ULK2: variants seen among roughly 807,000 people sequenced by gnomAD.
ULK2 encodes unc-51 like autophagy activating kinase 2.
In ULK2, 76 loss-of-function variants were observed where a neutral mutation model predicts 127.5. The ratio of observed to expected loss-of-function variants is 0.60; its 90% CI spans 0.50 to 0.72. The LOEUF (loss-of-function observed/expected upper bound fraction) is 0.72. Among genes scored for constraint, ULK2 ranks in the 30% least tolerant of loss-of-function variants. The pLI is 0.00. For synonymous variants in ULK2, 452 were observed against 461.9 expected (o/e 0.98, Z 0.28); for missense variants, 1,144 against 1,295.9 (o/e 0.88, Z 1.80).
chr17:19,845,453 A>G (rs2041858625), intron 6 of ULK2, 76 bp from the exon 7 acceptor site: 4 of 1,124,306 alleles, frequency 3.6e-6, no homozygotes, highest in African/African-American at 3.1e-5. Flanking sequence ...TGATTCTTCG[A>G]GACACAAGAA....
At chr17:19,823,354 C>T (rs112759293) in intron 12 of ULK2, among the ~76,000 whole-genome samples, 2,300 of 152,046 alleles carry the variant, frequency 0.015, 31 homozygotes, top group Middle Eastern at 0.027. Context: ...CCTATTTTGT[C>T]CTCCTCTTTC....
intron 3 of ULK2, among the ~76,000 whole-genome samples, chr17:19,855,567 T>C (rs2042108544): frequency 8.1e-6 from 1 of 123,810 alleles, no homozygotes; most frequent in Non-Finnish European, 1.6e-5. Context: ...GCCATTGCAC[T>C]CCAGCCTGGG....
intron 15 of ULK2, 58 bp downstream of exon 15, chr17:19,804,635 T>C (rs1395405078): frequency 6.5e-6 from 10 of 1,528,274 alleles, no homozygotes; most frequent in Non-Finnish European, 8.8e-6. Flanking sequence ...CCAATATCAA[T>C]AAATTTTTTT....
intron 6 of ULK2, among the ~76,000 whole-genome samples, chr17:19,845,801 T>C (rs1299276193): frequency 6.6e-6 from 1 of 152,130 alleles, no homozygotes. Context: ...GTCAAAAGCC[T>C]AGGAACTGTA....
intron 10 of ULK2, among the ~76,000 whole-genome samples, chr17:19,831,495 G>C (rs144149824): frequency 9.9e-5 from 15 of 152,284 alleles, no homozygotes; most frequent in Non-Finnish European, 1.8e-4. Context: ...GCAGTAGTAA[G>C]AGGGAAAAAT....
chr17:19,846,797 T>C lies in ULK2; in HGVS notation c.409A>G (p.Ile137Val), dbSNP rs1442668799. Residue 137 changes from isoleucine (I) to valine (V), a missense_variant, in exon 6 of 27, where the codon ATC becomes GTC. Physicochemically the swap from Ile to Val is conservative, Grantham distance 29. Coordinates refer to ENST00000395544, the MANE Select transcript of ULK2 (RefSeq NM_014683.4). ...IIHRDLKPQN[I>V]LLSYANRRKS... ...CTGCGATTGGCATAGGACAGCAAGA[T>C]GTTCTGTGGTTTGAGATCTCTGTGG... 6.2e-7 allele frequency: 1 copy of C among 1,613,860 alleles called. No individual in the cohort carries two copies. The highest frequency in any genetic ancestry group is 8.5e-7 in the Non-Finnish European group (1 of 1,179,902).
intron 7 of ULK2, among the ~76,000 whole-genome samples, chr17:19,845,056 ATT>A (rs895510986): frequency 7.2e-5 from 11 of 152,202 alleles, no homozygotes; most frequent in Non-Finnish European, 1.2e-4. Flanking sequence ...AACTTAATAG[ATT>A]TGTCTCATAA....
At chr17:19,816,685 A>T (rs914643153) in intron 13 of ULK2, 64 bp downstream of exon 13, 21 of 1,369,484 alleles carry the variant, frequency 1.5e-5, no homozygotes, top group Admixed American at 2.9e-5. Context: ...TATATGGGTT[A>T]AAAAAAAGAT....
intron 13 of ULK2, among the ~76,000 whole-genome samples, chr17:19,814,263 T>C (rs1315059410): frequency 6.6e-6 from 1 of 150,850 alleles, no homozygotes; most frequent in East Asian, 1.9e-4. Flanking sequence ...TAGAAGAAAA[T>C]ATAGAACACC....
intron 23 of ULK2, among the ~76,000 whole-genome samples, 196 bp downstream of exon 23, chr17:19,781,693 C>T (rs185124187): frequency 2.6e-5 from 4 of 152,128 alleles, no homozygotes; most frequent in Non-Finnish European, 5.9e-5. Flanking sequence ...GTATAATTTA[C>T]AAGGAAAGGC....
At chr17:19,820,292 C>A (rs551780303) in intron 12 of ULK2, among the ~76,000 whole-genome samples, 2 of 152,262 alleles carry the variant, frequency 1.3e-5, no homozygotes, top group South Asian at 2.1e-4. Flanking sequence ...TGTGATCCAC[C>A]CGCCTAGGCC....
chr17:19,813,870 T>G (rs1439962792), intron 13 of ULK2, among the ~76,000 whole-genome samples: 1 of 152,216 alleles, frequency 6.6e-6, no homozygotes, highest in Non-Finnish European at 1.5e-5. Flanking sequence ...TGCCTGTCCT[T>G]GAATAGGTCA....
chr17:19,803,366 GAGA>G (rs1361382366), intron 15 of ULK2, among the ~76,000 whole-genome samples: 1 of 152,122 alleles, frequency 6.6e-6, no homozygotes, highest in Non-Finnish European at 1.5e-5. Context: ...GTGTGTAGTG[GAGA>G]AGAATACAAA....
intron 3 of ULK2, among the ~76,000 whole-genome samples, chr17:19,852,044 C>CAAAA (rs201031615): frequency 2.0e-5 from 1 of 49,118 alleles, no homozygotes; most frequent in Non-Finnish European, 4.3e-5. Context: ...GACTCCATCT[C>CAAAA]AAAAAAAAAA....
chr17:19,797,712 T>C, intron 17 of ULK2, 30 bp from the exon 18 acceptor site: 1 of 1,446,858 alleles, frequency 6.9e-7, no homozygotes, highest in Non-Finnish European at 9.1e-7. Context: ...AACATTAACC[T>C]GAAGTGAAGA....
chr17:19,863,141 G>A (rs535256040), intron 3 of ULK2, among the ~76,000 whole-genome samples: 3 of 152,056 alleles, frequency 2.0e-5, no homozygotes, highest in African/African-American at 2.4e-5. Context: ...TTTAACCCGG[G>A]GGGGCAGAGG....
At chr17:19,779,041 G>C (rs9914383) in intron 25 of ULK2, among the ~76,000 whole-genome samples, 179 of 152,256 alleles carry the variant, frequency 1.2e-3, no homozygotes, top group African/African-American at 4.2e-3. Context: ...CAGTGATGCA[G>C]TGCATATTAT....
chr17:19,825,381 T>C (rs1351145005), intron 11 of ULK2, among the ~76,000 whole-genome samples, 199 bp from the exon 12 acceptor site: 1 of 152,026 alleles, frequency 6.6e-6, no homozygotes, highest in Non-Finnish European at 1.5e-5. Context: ...GAAGGAAAAA[T>C]AGAACAGTTA....
intron 10 of ULK2, among the ~76,000 whole-genome samples, chr17:19,830,946 G>C (rs180876073): frequency 3.8e-4 from 57 of 149,994 alleles, no homozygotes; most frequent in African/African-American, 1.3e-3. Context: ...AGAATCGCTT[G>C]AACCCCGGAA....
Sources: allele counts gnomAD v4.1 joint callset (sites outside exome capture counted in the v4.1 genomes callset), GRCh38; gene constraint gnomAD v4.1.1; transcripts MANE v1.5; gene names NCBI Gene and HGNC (gene_info 2026-07-23, HGNC 2026-07-21).